ATAD3A: variants seen among roughly 807,000 people sequenced by gnomAD.
ATAD3A encodes the protein ATPase family AAA domain-containing protein 3A.
ATAD3A carries 46 observed loss-of-function variants against 73.8 expected under a neutral mutation model. The ratio of observed to expected loss-of-function variants is 0.62; its 90% CI spans 0.49 to 0.80. The LOEUF is 0.80. Ranked by LOEUF, ATAD3A falls within the 30% of genes least tolerant of loss-of-function variation. The probability of loss-of-function intolerance (pLI) is 0.00; values close to 1 mark genes in which losing one functional copy is unlikely to be tolerated. For synonymous variants in ATAD3A, 319 were observed against 350.0 expected, an observed-to-expected ratio of 0.91 and a Z score of 0.99; for missense variants, 705 against 838.0, an observed-to-expected ratio of 0.84 and a Z score of 1.96.
chr1:1,518,794 G>T (rs1372685853), intron 4 of ATAD3A, 127 bp from the exon 5 acceptor site: 2 of 1,561,986 alleles, frequency 1.3e-6, no homozygotes, highest in African/African-American at 1.4e-5. Flanking sequence ...CCCGCAAACG[G>T]GCACCGTCAC....
At chr1:1,532,056 T>C (rs1380136906) in intron 15 of ATAD3A, among the ~76,000 whole-genome samples, 1 of 152,166 alleles carries the variant, frequency 6.6e-6, no homozygotes, top group Non-Finnish European at 1.5e-5. Flanking sequence ...CTAATATTGA[T>C]TGATTTTTGT....
chr1:1,517,030 A>C lies in ATAD3A; in HGVS notation c.283-281A>C. 2.1e-6 allele frequency: 3 copies of C among 1,437,342 alleles called. No individual in the cohort carries two copies. The South Asian group carries it at 4.4e-5, about 21-fold the overall frequency. 89.0% of individuals were successfully genotyped at this position (1,437,342 alleles called of 1,614,324 possible). A position where few individuals can be genotyped will look rare whatever the true frequency, so the allele number is the denominator to read the frequency against. On this transcript the variant is annotated intron_variant, in intron 2 of 15. Coordinates refer to ENST00000378756, the MANE Select transcript of ATAD3A (RefSeq NM_001170535.3). ...CCCGGTCCACTCAGCAGGATTCCTA[A>C]AATAAGCATGAGCTCTGCCCTCAGT...
chr1:1,513,713 C>T (rs1641269569), intron 1 of ATAD3A, among the ~76,000 whole-genome samples: 1 of 152,060 alleles, frequency 6.6e-6, no homozygotes, highest in Admixed American at 6.5e-5. Context: ...TCCCCGGGTG[C>T]CCCCTGCCCT....
In ATAD3A at chr1:1,523,415, C is replaced by G; in HGVS notation, c.907-96C>G. 6.5e-7 allele frequency: 1 copy of G among 1,535,758 alleles called. No homozygotes were observed. Among genetic ancestry groups the G allele is most frequent in the African/African-American group, 1.4e-5 (1 of 72,794 alleles). On this transcript the variant is annotated intron_variant, in intron 8 of 15. Coordinates refer to ENST00000378756, the MANE Select transcript of ATAD3A (RefSeq NM_001170535.3). The surrounding 1 kb of genome is among the most constrained non-coding windows in gnomAD (Gnocchi z 5.1). ...TCCTGGCTGTGCTTTGGGGCAGCTC[C>G]GTTTCTGCGTGTTACCGAGCGTGTG...
intron 15 of ATAD3A, among the ~76,000 whole-genome samples, chr1:1,530,761 G>A (rs1243136589): frequency 5.9e-5 from 7 of 117,966 alleles, no homozygotes; most frequent in Admixed American, 4.0e-4. Context: ...CCCGGGAGGC[G>A]GAGCTTGCAG....
In ATAD3A at chr1:1,527,783, C is replaced by A; in HGVS notation, c.1426C>A (p.Pro476Thr). 2.5e-6 allele frequency: 4 copies of A among 1,613,978 alleles called. No homozygotes were observed. Among genetic ancestry groups the A allele is most frequent in the Non-Finnish European group, 3.4e-6 (4 of 1,179,958 alleles). ...RINEMVHFDL[P>T]GQEERERLVR... The stretch of plus-strand genomic sequence containing the variant: ...CAATGAGATGGTCCACTTCGACCTG[C>A]CAGGGCAGGAGGAACGGGAGCGCCT... Residue 476 changes from proline to threonine, a missense_variant, in exon 14 of 16, where the codon CCA becomes ACA. Physicochemically the swap from Pro to Thr is conservative, Grantham distance 38. Coordinates refer to ENST00000378756, the MANE Select transcript of ATAD3A (RefSeq NM_001170535.3).
At chr1:1,532,219 A>T (rs917484355) in intron 15 of ATAD3A, among the ~76,000 whole-genome samples, 8 of 152,088 alleles carry the variant, frequency 5.3e-5, no homozygotes, top group Admixed American at 3.3e-4. Flanking sequence ...GACTTTTCCA[A>T]CGATGCTTAT....
Position 1,523,603 on chromosome 1 carries a change from G to A in ATAD3A, c.963+36G>A, listed in dbSNP as rs1254651718. 5 of 1,611,924 alleles carry A rather than the reference G, an allele frequency of 3.1e-6. No individual in the cohort carries two copies. Among genetic ancestry groups the A allele is most frequent in the Non-Finnish European group, 4.2e-6 (5 of 1,179,654 alleles). On this transcript the variant is annotated intron_variant, in intron 9 of 15. Transcript: ENST00000378756. This position sits in a 1 kb window ranked among gnomAD's most constrained non-coding sequence, Gnocchi z 5.1. ...GTGCCTGGGACCGGGGAGGCGCAGG[G>A]AGGGGACCCTGGAGCTGGGCCGGGC...
chr1:1,534,485 G>A lies in ATAD3A; in HGVS notation c.*413G>A. On this transcript the variant is annotated 3_prime_UTR_variant, in exon 16 of 16. Coordinates refer to ENST00000378756, the MANE Select transcript of ATAD3A (RefSeq NM_001170535.3). ...AGCCAGGTGAGGGGGCGCCTGCCAG[G>A]GCCAGACCCAGGTGGGGCAGCCTGA... The A allele has an allele frequency of 1.0e-6, 1 of 992,868 alleles. No homozygotes were observed. 61.5% of individuals were successfully genotyped at this position (992,868 alleles called of 1,614,324 possible).
chr1:1,516,958 C>A, intron 2 of ATAD3A: 1 of 838,850 alleles, frequency 1.2e-6, no homozygotes, highest in Non-Finnish European at 1.8e-6. Context: ...TTGATCCACC[C>A]ACTTTGGCCT....
chr1:1,527,947 C>CT (rs1230538829), intron 14 of ATAD3A, 85 bp downstream of exon 14: 14 of 1,329,256 alleles, frequency 1.1e-5, no homozygotes, highest in Non-Finnish European at 1.4e-5. Context: ...ACTTACAAAC[C>CT]TTTAACATTC....
chr1:1,517,083 C>A, intron 2 of ATAD3A: 1 of 1,519,298 alleles, frequency 6.6e-7, no homozygotes, highest in Admixed American at 2.0e-5. Flanking sequence ...GTCCGGCCTC[C>A]CTCCCGGGGG....
intron 4 of ATAD3A, among the ~76,000 whole-genome samples, chr1:1,518,253 A>C (rs1423536005): frequency 6.7e-6 from 1 of 148,794 alleles, no homozygotes. Context: ...ACACACACAC[A>C]GATACGCACA....
rs1641528843 is a variant in ATAD3A at position 1,520,077 on chromosome 1, A to G, written c.515-64A>G. On this transcript the variant is annotated intron_variant, in intron 5 of 15. Transcript: ENST00000378756. The surrounding 1 kb of genome is among the most constrained non-coding windows in gnomAD (Gnocchi z 4.0). Reference sequence around the variant, plus strand: ...CGGTCCGTGGCGTGGGCCGGTCCACAGTGTGGGTGGAGGTGGACGCGCTGC... The same window carrying G: ...CGGTCCGTGGCGTGGGCCGGTCCACGGTGTGGGTGGAGGTGGACGCGCTGC... 2.6e-6 allele frequency: 4 copies of G among 1,565,192 alleles called. No homozygotes were observed. Among genetic ancestry groups the G allele is most frequent in the East Asian group, 2.3e-5 (1 of 42,900 alleles).
At position 1,518,906 on chromosome 1, in the gene ATAD3A, G is replaced by A; in HGVS notation, c.445-15G>A. ...GTTTTAAAGGCTTTTCTCTTTTTCT[G>A]CGGCTTCTTCTCAGCAACTTCTCAA... is the stretch of plus-strand genomic sequence containing the variant. On this transcript the variant is annotated splice_polypyrimidine_tract_variant and intron_variant, in intron 4 of 15. Transcript: ENST00000378756. The A allele has an allele frequency of 3.7e-6, 6 of 1,614,128 alleles. No homozygotes were observed. Among genetic ancestry groups the A allele is most frequent in the Non-Finnish European group, 5.1e-6 (6 of 1,179,962 alleles).
rs1334126871 is a variant in ATAD3A at position 1,523,839 on chromosome 1, C to T, written c.964C>T (p.Pro322Ser). ...QDALEGVVLS[P>S]SLEARVRDIA... The stretch of plus-strand genomic sequence containing the variant: ...TCCAAACCCCCGTCTTCCCCGGCAG[C>T]CCAGCCTGGAAGCACGGGTGCGCGA... The change falls in exon 10 of 16, where the codon CCC becomes TCC. Residue 322 changes from proline to serine, a missense_variant and splice_region_variant. By Grantham distance (74) the Pro-to-Ser change is moderately conservative (BLOSUM62 -1). Around this residue, in one of 5 missense-constraint regions of ATAD3A, gnomAD observed 315 missense variants for 334.1 expected, o/e 0.94. Transcript: ENST00000378756. This position sits in a 1 kb window ranked among gnomAD's most constrained non-coding sequence, Gnocchi z 5.1. 1.2e-6 allele frequency: 2 copies of T among 1,613,938 alleles called. No homozygotes were observed. The highest frequency in any genetic ancestry group is 2.2e-5 in the East Asian group (1 of 44,882).
At chr1:1,525,486 C>T (rs1163079820) in intron 12 of ATAD3A, among the ~76,000 whole-genome samples, 195 bp downstream of exon 12, 1 of 150,532 alleles carries the variant, frequency 6.6e-6, no homozygotes, top group African/African-American at 2.5e-5. Flanking sequence ...CCCATCTCGG[C>T]TCACTGCAAG....
chr1:1,516,984 T>G, intron 2 of ATAD3A: 1 of 1,190,086 alleles, frequency 8.4e-7, no homozygotes, highest in Non-Finnish European at 1.2e-6. Flanking sequence ...AGTGCTGGGA[T>G]TATAAGCGAG....
Position 1,534,379 on chromosome 1 carries a change from C to T in ATAD3A, c.*307C>T. The T allele has an allele frequency of 2.2e-6, 3 of 1,359,546 alleles. No individual in the cohort carries two copies. The highest frequency in any genetic ancestry group is 2.8e-6 in the Non-Finnish European group (3 of 1,057,078). 84.2% of individuals were successfully genotyped at this position (1,359,546 alleles called of 1,614,324 possible). On this transcript the variant is annotated 3_prime_UTR_variant, in exon 16 of 16. Transcript: ENST00000378756. ...TGCACCCCAGCCCCTGCCCAGGCCA[C>T]TGTGAGGGTGGGTGCTGGCTGAGCC...
Sources: gnomAD v4.1 joint callset for allele counts (sites outside exome capture counted in the v4.1 genomes callset) on GRCh38, gnomAD v4.1.1 for gene constraint, gnomAD v4.1.1 regional missense constraint, Gnocchi (gnomAD v3.1) non-coding constraint, MANE v1.5 for transcripts, NCBI Gene and HGNC (gene_info 2026-07-23, HGNC 2026-07-21) for gene names.